The following MAP2K4 variants were observed in gnomAD, a reference collection of about 807,000 sequenced individuals.
The protein encoded by MAP2K4 is mitogen-activated protein kinase kinase 4.
A neutral mutation model predicts 48.5 loss-of-function variants in MAP2K4; 4 were observed. The observed-to-expected ratio is 0.08, with a 90% CI of 0.04 to 0.19. The LOEUF is 0.19. Among genes scored for constraint, MAP2K4 ranks in the 10% least tolerant of loss-of-function variants. The probability of loss-of-function intolerance (pLI) is 1.00; values close to 1 mark genes in which losing one functional copy is unlikely to be tolerated. For missense variants in MAP2K4, 258 were observed against 493.3 expected, an observed-to-expected ratio of 0.52 and a Z score of 4.52; for synonymous variants, 166 against 173.1, an observed-to-expected ratio of 0.96 and a Z score of 0.32.
At chr17:12,067,363 T>TC (rs1295782449) in intron 2 of MAP2K4, among the ~76,000 whole-genome samples, 1 of 152,212 alleles carries the variant, frequency 6.6e-6, no homozygotes, top group African/African-American at 2.4e-5. Flanking sequence ...AGCTGTGTTT[T>TC]CTCGACCTTG....
chr17:12,107,417 T>C (rs2151572340), intron 4 of MAP2K4, among the ~76,000 whole-genome samples: 1 of 148,980 alleles, frequency 6.7e-6, no homozygotes, highest in African/African-American at 2.5e-5. Flanking sequence ...ATTTAAGAAG[T>C]TTATGTAGTC....
intron 1 of MAP2K4, among the ~76,000 whole-genome samples, chr17:12,050,309 A>G (rs1970099541): frequency 6.6e-6 from 1 of 152,212 alleles, no homozygotes; most frequent in Non-Finnish European, 1.5e-5. Context: ...TGTCTGAGGT[A>G]CTGTTATAGG....
intron 7 of MAP2K4, among the ~76,000 whole-genome samples, chr17:12,118,083 A>G (rs1972559364): frequency 6.6e-6 from 1 of 152,242 alleles, no homozygotes; most frequent in Non-Finnish European, 1.5e-5. Flanking sequence ...TAGAAATTTA[A>G]GAAAAAACAT....
chr17:12,065,701 T>C (rs2151534748), intron 2 of MAP2K4, among the ~76,000 whole-genome samples: 1 of 152,358 alleles, frequency 6.6e-6, no homozygotes, highest in South Asian at 2.1e-4. Context: ...TCCCACAGTC[T>C]GGGATTACAG....
chr17:12,140,833 T>C (rs1418462059), intron 10 of MAP2K4, among the ~76,000 whole-genome samples: 3 of 152,170 alleles, frequency 2.0e-5, no homozygotes, highest in African/African-American at 7.2e-5. Flanking sequence ...TCCAGCTATG[T>C]TTTGTGCTGA....
chr17:12,046,564 G>C (rs1969971033), intron 1 of MAP2K4, among the ~76,000 whole-genome samples: 1 of 152,092 alleles, frequency 6.6e-6, no homozygotes, highest in South Asian at 2.1e-4. Flanking sequence ...AGAAAGTGTT[G>C]CTGTTATTGG....
At chr17:12,141,107 A>G (rs761423497) in intron 10 of MAP2K4, 40 bp from the exon 11 acceptor site, 3 of 1,293,440 alleles carry the variant, frequency 2.3e-6, no homozygotes, top group East Asian at 4.6e-5. Flanking sequence ...TTGGGCTGTC[A>G]TACAAACTTT....
intron 2 of MAP2K4, among the ~76,000 whole-genome samples, chr17:12,062,819 G>A (rs1219177180): frequency 6.6e-6 from 1 of 151,648 alleles, no homozygotes; most frequent in Non-Finnish European, 1.5e-5. Context: ...TTTTTCTTTT[G>A]TGATTTATTG....
At chr17:12,114,429 C>T (rs945791325) in intron 7 of MAP2K4, among the ~76,000 whole-genome samples, 1 of 150,276 alleles carries the variant, frequency 6.7e-6, no homozygotes, top group African/African-American at 2.5e-5. Flanking sequence ...GACACCTAAC[C>T]TGTGTGGTAA....
chr17:12,103,966 C>T (rs1249636265), intron 4 of MAP2K4, among the ~76,000 whole-genome samples: 1 of 151,892 alleles, frequency 6.6e-6, no homozygotes, highest in Non-Finnish European at 1.5e-5. Flanking sequence ...ATAAACAGCA[C>T]AAAAATGAAG....
intron 2 of MAP2K4, among the ~76,000 whole-genome samples, chr17:12,062,859 A>C (rs1384902007): frequency 6.6e-6 from 1 of 151,172 alleles, no homozygotes; most frequent in Non-Finnish European, 1.5e-5. Context: ...CCACGTTCTG[A>C]AATCTTGCTG....
chr17:12,033,833 A>G (rs903522911), intron 1 of MAP2K4, among the ~76,000 whole-genome samples: 2 of 152,234 alleles, frequency 1.3e-5, no homozygotes, highest in Admixed American at 6.5e-5. Flanking sequence ...TTCATTTCGG[A>G]GACAGAGTCT....
At chr17:12,137,012 G>C (rs115494845) in intron 9 of MAP2K4, among the ~76,000 whole-genome samples, 1 of 152,174 alleles carries the variant, frequency 6.6e-6, no homozygotes, top group African/African-American at 2.4e-5. Context: ...TTTGCAACCA[G>C]AGGACTGGAA....
At chr17:12,058,515 G>T (rs1970354713) in intron 2 of MAP2K4, among the ~76,000 whole-genome samples, 1 of 152,084 alleles carries the variant, frequency 6.6e-6, no homozygotes, top group Non-Finnish European at 1.5e-5. Flanking sequence ...ATGTGTTATA[G>T]GTTATAGTTT....
chr17:12,092,345 CAGCTTTATAA>C (rs1971589582), intron 3 of MAP2K4, among the ~76,000 whole-genome samples: 2 of 152,140 alleles, frequency 1.3e-5, no homozygotes, highest in African/African-American at 4.8e-5. Flanking sequence ...CTCTTAAGGA[CAGCTTTATAA>C]AGGGAAGAGA....
At chr17:12,093,799 TA>T (rs1328325279) in intron 3 of MAP2K4, among the ~76,000 whole-genome samples, 5 of 152,200 alleles carry the variant, frequency 3.3e-5, no homozygotes, top group Non-Finnish European at 5.9e-5. Flanking sequence ...TAAATTTAGA[TA>T]TATAGGATTA....
At chr17:12,030,162 T>G (rs546111472) in intron 1 of MAP2K4, among the ~76,000 whole-genome samples, 21 of 152,178 alleles carry the variant, frequency 1.4e-4, no homozygotes, top group Non-Finnish European at 2.4e-4. Context: ...GCACTAACTT[T>G]CTGACTTTTG....
chr17:12,070,202 A>ATATT (rs1353023062), intron 2 of MAP2K4, among the ~76,000 whole-genome samples: 4 of 151,952 alleles, frequency 2.6e-5, no homozygotes, highest in Admixed American at 6.6e-5. Context: ...GCACAAGAAG[A>ATATT]TATTTATTTA....
At chr17:12,091,770 A>G (rs901826519) in intron 3 of MAP2K4, among the ~76,000 whole-genome samples, 1 of 152,140 alleles carries the variant, frequency 6.6e-6, no homozygotes, top group Non-Finnish European at 1.5e-5. Flanking sequence ...TTTGGACACC[A>G]ATTAAAAAAA....
Sources: gnomAD v4.1 joint callset for allele counts (sites outside exome capture counted in the v4.1 genomes callset) on GRCh38, gnomAD v4.1.1 for gene constraint, MANE v1.5 for transcripts, NCBI Gene and HGNC (gene_info 2026-07-23, HGNC 2026-07-21) for gene names.